The following KCNMB4 variants were observed in gnomAD, a reference collection of about 807,000 sequenced individuals.
KCNMB4 encodes calcium-activated potassium channel subunit beta-4.
Under a neutral mutation model 20.7 loss-of-function variants are expected in KCNMB4, and 3 were observed. The observed-to-expected ratio is 0.14, with a 90% CI of 0.07 to 0.37. The LOEUF is 0.37. KCNMB4 is among the 10% of genes least tolerant of loss of function. The pLI is 1.00. For missense variants in KCNMB4, 168 were observed against 265.9 expected, an observed-to-expected ratio of 0.63 and a Z score of 2.56; for synonymous variants, 110 against 113.4, an observed-to-expected ratio of 0.97 and a Z score of 0.19.
chr12:70,398,185 C>A (rs1868373410), intron 1 of KCNMB4, among the ~76,000 whole-genome samples: 1 of 152,060 alleles, frequency 6.6e-6, no homozygotes, highest in South Asian at 2.1e-4. Context: ...GCCATCTCCC[C>A]AGTGGGCAGG....
intron 1 of KCNMB4, among the ~76,000 whole-genome samples, chr12:70,385,697 A>C (rs919846534): frequency 3.9e-5 from 6 of 152,214 alleles, no homozygotes; most frequent in African/African-American, 1.4e-4. Context: ...AAAAATGAGG[A>C]AACAACCACA....
chr12:70,382,295 C>T (rs964137879), intron 1 of KCNMB4, among the ~76,000 whole-genome samples: 15 of 151,054 alleles, frequency 9.9e-5, no homozygotes, highest in African/African-American at 3.4e-4. Flanking sequence ...TAGCCGGGCG[C>T]AGTGGCGGGC....
intron 1 of KCNMB4, among the ~76,000 whole-genome samples, chr12:70,399,501 T>C (rs1413642755): frequency 6.6e-6 from 1 of 152,236 alleles, no homozygotes; most frequent in East Asian, 1.9e-4. Context: ...TTCGTCATCG[T>C]TGTAAAAAGC....
At chr12:70,409,538 C>G (rs979273841) in intron 2 of KCNMB4, among the ~76,000 whole-genome samples, 1 of 152,100 alleles carries the variant, frequency 6.6e-6, no homozygotes, top group Admixed American at 6.6e-5. Context: ...AAGAAAACAA[C>G]AACAAAATAG....
intron 2 of KCNMB4, among the ~76,000 whole-genome samples, chr12:70,423,918 T>C (rs1365477075): frequency 6.6e-6 from 1 of 152,192 alleles, no homozygotes; most frequent in Non-Finnish European, 1.5e-5. Context: ...CTGGGGCCTG[T>C]GAATTAAACT....
At chr12:70,382,432 CAAAAAAAAA>C (rs397796979) in intron 1 of KCNMB4, among the ~76,000 whole-genome samples, 1,449 of 88,010 alleles carry the variant, frequency 0.016, 100 homozygotes, top group Admixed American at 0.15. Flanking sequence ...GACTCCGTCT[CAAAAAAAAA>C]AAAAAAAAAA....
chr12:70,414,307 C>T (rs1000221644), intron 2 of KCNMB4, among the ~76,000 whole-genome samples: 1 of 152,178 alleles, frequency 6.6e-6, no homozygotes, highest in Non-Finnish European at 1.5e-5. Flanking sequence ...TAATGCCACT[C>T]AGTTGTATAC....
chr12:70,396,060 G>C (rs1868347938), intron 1 of KCNMB4, among the ~76,000 whole-genome samples: 1 of 152,164 alleles, frequency 6.6e-6, no homozygotes, highest in South Asian at 2.1e-4. Context: ...GGAAGACAAA[G>C]GACTGCAACA....
Position 70,378,485 on chromosome 12 carries a change from C to T in KCNMB4, c.336+11415C>T, listed in dbSNP as rs140648540. ...TTTCATTTACTTTGCCCAGATCCAT[C>T]AGAGGAATCACTATAGCTACAGCTT... On this transcript the variant is annotated intron_variant, in intron 1 of 2. Coordinates refer to ENST00000258111, the MANE Select transcript of KCNMB4 (RefSeq NM_014505.6). 2.4e-3 allele frequency among the ~76,000 whole-genome samples: 363 copies of T among 152,296 alleles called. 2 individuals are homozygous for T. Among genetic ancestry groups the T allele is most frequent in the African/African-American group, 8.5e-3 (352 of 41,562 alleles).
chr12:70,421,252 G>A (rs1216575788), intron 2 of KCNMB4, among the ~76,000 whole-genome samples: 2 of 151,690 alleles, frequency 1.3e-5, no homozygotes, highest in African/African-American at 4.8e-5. Flanking sequence ...AGTGCTTTGG[G>A]AGCCCAAAGT....
intron 1 of KCNMB4, among the ~76,000 whole-genome samples, chr12:70,378,607 G>T (rs1337659248): frequency 6.6e-6 from 1 of 152,016 alleles, no homozygotes; most frequent in Non-Finnish European, 1.5e-5. Flanking sequence ...TGTGGTCTTG[G>T]CTCGCTTCAC....
At chr12:70,410,358 A>T (rs1480459370) in intron 2 of KCNMB4, among the ~76,000 whole-genome samples, 1 of 152,230 alleles carries the variant, frequency 6.6e-6, no homozygotes, top group African/African-American at 2.4e-5. Context: ...ATAATTCATT[A>T]CTTCCTCTTC....
chr12:70,406,132 G>A (rs1237709529), intron 2 of KCNMB4, among the ~76,000 whole-genome samples: 3 of 148,710 alleles, frequency 2.0e-5, no homozygotes, highest in Admixed American at 6.8e-5. Context: ...TGGGAGGAGG[G>A]GGTAACGGAA....
At chr12:70,407,122 C>T (rs768515705) in intron 2 of KCNMB4, among the ~76,000 whole-genome samples, 1 of 152,130 alleles carries the variant, frequency 6.6e-6, no homozygotes, top group Non-Finnish European at 1.5e-5. Context: ...TCTGGCTGAC[C>T]TTCTCTAAGT....
At chr12:70,375,021 G>A (rs1347434988) in intron 1 of KCNMB4, among the ~76,000 whole-genome samples, 4 of 152,142 alleles carry the variant, frequency 2.6e-5, no homozygotes, top group Non-Finnish European at 4.4e-5. Context: ...TATAGTGAGT[G>A]CTAAATTTGT....
chr12:70,410,802 CA>C (rs569688767), intron 2 of KCNMB4, among the ~76,000 whole-genome samples: 3 of 150,988 alleles, frequency 2.0e-5, no homozygotes, highest in African/African-American at 4.9e-5. Flanking sequence ...AACAACAACA[CA>C]AAAAAAAGGA....
At chr12:70,402,861 T>A (rs1368496784) in intron 2 of KCNMB4, among the ~76,000 whole-genome samples, 1 of 152,150 alleles carries the variant, frequency 6.6e-6, no homozygotes, top group Non-Finnish European at 1.5e-5. Context: ...GATGCAGCAG[T>A]GTCCAAAGAG....
Position 70,366,829 on chromosome 12 carries a change from T to C in KCNMB4, c.95T>C (p.Leu32Pro). The change falls in exon 1 of 3, where the codon CTC (leucine) becomes CCC (proline). Residue 32 changes from leucine (L) to proline (P), a missense_variant. Physicochemically the swap from Leu to Pro is moderately conservative, Grantham distance 98 (BLOSUM62 -3). Transcript: ENST00000258111. ...LFLIISGVVSLFIFGFCWLSP... is the reference protein window; with the variant it reads ...LFLIISGVVSPFIFGFCWLSP... ...CTCATCATCTCCGGCGTCGTGTCGC[T>C]CTTCATCTTCGGCTTCTGCTGGCTG... 1 of 1,612,750 alleles carries C rather than the reference T, an allele frequency of 6.2e-7. No individual in the cohort carries two copies. The highest frequency in any genetic ancestry group is 8.5e-7 in the Non-Finnish European group (1 of 1,179,844).
In KCNMB4 at chr12:70,366,548, C is replaced by G. The variant is rs1883494339; in HGVS notation, c.-187C>G. The G allele has an allele frequency of 5.6e-6, 1 of 177,556 alleles. No individual in the cohort carries two copies. Among genetic ancestry groups the G allele is most frequent in the South Asian group, 1.9e-4 (1 of 5,264 alleles). The allele number at this position is 177,556 out of a possible 1,614,324, so 11.0% of individuals were successfully genotyped here. A position where few individuals can be genotyped will look rare whatever the true frequency, so the allele number is the denominator to read the frequency against. ...GGGGGGCTGGGGGGCGCTGCCGCCG[C>G]CGCCGCCGGGGGCGTCGCTGGCCTC... On this transcript the variant is annotated 5_prime_UTR_variant, in exon 1 of 3. Transcript: ENST00000258111.
Sources: gnomAD v4.1 joint callset for allele counts (sites outside exome capture counted in the v4.1 genomes callset) on GRCh38, gnomAD v4.1.1 for gene constraint, MANE v1.5 for transcripts, NCBI Gene and HGNC (gene_info 2026-07-23, HGNC 2026-07-21) for gene names.